TMTC1: variants seen among roughly 807,000 people sequenced by gnomAD.
TMTC1 encodes transmembrane O-mannosyltransferase targeting cadherins 1.
TMTC1 carries 73 observed loss-of-function variants against 104.8 expected under a neutral mutation model. The observed-to-expected ratio is 0.70, with a 90% CI of 0.58 to 0.85. TMTC1 has a LOEUF of 0.85. TMTC1 is among the 40% of genes least tolerant of loss of function. The pLI is 0.00. For missense variants in TMTC1, 1,035 were observed against 1,096.1 expected, an observed-to-expected ratio of 0.94 and a Z score of 0.79; for synonymous variants, 434 against 428.7, an observed-to-expected ratio of 1.01 and a Z score of -0.15.
At chr12:29,584,640 G>A (rs891674680) in intron 7 of TMTC1, among the ~76,000 whole-genome samples, 1 of 151,622 alleles carries the variant, frequency 6.6e-6, no homozygotes, top group African/African-American at 2.4e-5. Flanking sequence ...CCCTTCCTGT[G>A]TCCATGTTGT....
chr12:29,763,140 G>C (rs1295247053), intron 2 of TMTC1, among the ~76,000 whole-genome samples: 1 of 152,236 alleles, frequency 6.6e-6, no homozygotes, highest in Non-Finnish European at 1.5e-5. Context: ...CCTGCAGCCT[G>C]GCTTCTTGCA....
intron 5 of TMTC1, among the ~76,000 whole-genome samples, chr12:29,687,401 G>C (rs1226746779): frequency 6.6e-6 from 1 of 152,182 alleles, no homozygotes; most frequent in Non-Finnish European, 1.5e-5. Flanking sequence ...AGAATTGCTG[G>C]CTCTGTGCTC....
rs1431587740 is a variant in TMTC1 at position 29,633,134 on chromosome 12, T to G, written c.1128+13A>C. 3.7e-6 allele frequency: 6 copies of G among 1,603,292 alleles called. No homozygotes were observed. Among genetic ancestry groups the G allele is most frequent in the Admixed American group, 3.4e-5 (2 of 59,606 alleles). ...TTCAAATGCAGAGTTCATTCTACTT[T>G]TGAGAAAATTACCTTAAAGGCTGCT... On this transcript the variant is annotated intron_variant, in intron 6 of 17. Coordinates refer to ENST00000539277, the MANE Select transcript of TMTC1 (RefSeq NM_001193451.2).
intron 5 of TMTC1, among the ~76,000 whole-genome samples, chr12:29,700,213 T>C (rs1941546180): frequency 6.6e-6 from 1 of 150,976 alleles, no homozygotes. Context: ...CATGTCTGGC[T>C]AATTTTTGTT....
intron 10 of TMTC1, among the ~76,000 whole-genome samples, chr12:29,549,428 T>C (rs1565663212): frequency 2.0e-5 from 3 of 152,096 alleles, no homozygotes; most frequent in South Asian, 2.1e-4. Context: ...TCTGGGGTGA[T>C]GGAAATTGTC....
intron 5 of TMTC1, among the ~76,000 whole-genome samples, chr12:29,733,877 TC>T (rs1185248098): frequency 6.6e-6 from 1 of 152,214 alleles, no homozygotes; most frequent in Non-Finnish European, 1.5e-5. Flanking sequence ...TTGCTAAGCT[TC>T]CCATGTCTTT....
chr12:29,664,162 G>C lies in TMTC1; in HGVS notation c.939-30826C>G, dbSNP rs1395787216. ...AGATCCCGCCACTGCACTCCAGCCTGGGCGACAGAGCGAGACTCCGTCTCA... is the reference window on the plus strand; with the variant it reads ...AGATCCCGCCACTGCACTCCAGCCTCGGCGACAGAGCGAGACTCCGTCTCA... On this transcript the variant is annotated intron_variant, in intron 5 of 17. Coordinates refer to ENST00000539277, the MANE Select transcript of TMTC1 (RefSeq NM_001193451.2). 2.0e-5 allele frequency among the ~76,000 whole-genome samples: 3 copies of C among 150,314 alleles called. No individual in the cohort carries two copies. The East Asian group carries it at 5.9e-4, about 30-fold the overall frequency.
chr12:29,597,370 T>C (rs1448153763), intron 7 of TMTC1, among the ~76,000 whole-genome samples: 1 of 151,722 alleles, frequency 6.6e-6, no homozygotes, highest in African/African-American at 2.4e-5. Flanking sequence ...CCACCATGCC[T>C]GGCCAGTCCA....
At chr12:29,517,320 G>T in intron 14 of TMTC1, 107 bp downstream of exon 14, 1 of 1,211,944 alleles carries the variant, frequency 8.3e-7, no homozygotes, top group African/African-American at 1.5e-5. Context: ...TCATACAGTG[G>T]ATATATTACG....
intron 5 of TMTC1, among the ~76,000 whole-genome samples, chr12:29,687,420 T>C (rs10771570): frequency 0.26 from 38,896 of 152,126 alleles, 5,609 homozygotes; most frequent in African/African-American, 0.36. Context: ...TCATAAAAAG[T>C]CTCAATGCCA....
chr12:29,574,524 T>C (rs1945768595), intron 8 of TMTC1, among the ~76,000 whole-genome samples: 1 of 152,152 alleles, frequency 6.6e-6, no homozygotes. Flanking sequence ...ACAACAGACA[T>C]TTATTGACAT....
intron 5 of TMTC1, among the ~76,000 whole-genome samples, chr12:29,690,639 C>T (rs566516662): frequency 6.6e-6 from 1 of 152,312 alleles, no homozygotes; most frequent in African/African-American, 2.4e-5. Context: ...ACTTGATCTT[C>T]ACAGCTCATA....
chr12:29,506,539 C>T lies in TMTC1; in HGVS notation c.*307G>A. On this transcript the variant is annotated 3_prime_UTR_variant, in exon 18 of 18. Coordinates refer to ENST00000539277, the MANE Select transcript of TMTC1 (RefSeq NM_001193451.2). ...TCTAAACAGAATTAGATCTCCAGGT[C>T]TCAAAAGCACAGAGATATATCAAGA... 3.7e-6 allele frequency: 1 copy of T among 267,426 alleles called. No individual in the cohort carries two copies. The highest frequency in any genetic ancestry group is 7.3e-5 in the South Asian group (1 of 13,730). The allele number at this position is 267,426 out of a possible 1,614,324, so 16.6% of individuals were successfully genotyped here. A position where few individuals can be genotyped will look rare whatever the true frequency, so the allele number is the denominator to read the frequency against.
intron 6 of TMTC1, among the ~76,000 whole-genome samples, chr12:29,625,213 C>T (rs564956118): frequency 1.2e-4 from 19 of 152,188 alleles, no homozygotes; most frequent in Admixed American, 7.9e-4. Flanking sequence ...AGCATGACCT[C>T]TATGTTCATA....
At chr12:29,540,528 G>A (rs1449913269) in intron 10 of TMTC1, among the ~76,000 whole-genome samples, 2 of 152,136 alleles carry the variant, frequency 1.3e-5, no homozygotes, top group African/African-American at 4.8e-5. Context: ...GCATTTCTGT[G>A]TTCACTCGCT....
intron 5 of TMTC1, among the ~76,000 whole-genome samples, chr12:29,704,411 T>C (rs758519442): frequency 3.9e-5 from 6 of 152,208 alleles, no homozygotes; most frequent in Admixed American, 1.3e-4. Context: ...TGGAAAGGAA[T>C]GCATCTTGGG....
intron 7 of TMTC1, among the ~76,000 whole-genome samples, chr12:29,593,946 T>C (rs1264366060): frequency 6.6e-6 from 1 of 152,202 alleles, no homozygotes; most frequent in Non-Finnish European, 1.5e-5. Context: ...GAAACTGACA[T>C]GGAAACAAAG....
Position 29,516,490 on chromosome 12 carries a change from C to T in TMTC1, c.2170-4G>A. 6.2e-7 allele frequency: 1 copy of T among 1,612,690 alleles called. No homozygotes were observed. The highest frequency in any genetic ancestry group is 1.1e-5 in the South Asian group (1 of 90,942). On this transcript the variant is annotated splice_polypyrimidine_tract_variant and splice_region_variant and intron_variant, in intron 14 of 17. Transcript: ENST00000539277. The stretch of plus-strand genomic sequence containing the variant: ...CCATCACGGCCAAAACCTGAGCCTA[C>T]AAAACCACATGGACCTTGGCTTAGC...
At chr12:29,604,373 TC>T (rs1946642962) in intron 6 of TMTC1, 74 bp from the exon 7 acceptor site, 1 of 1,589,050 alleles carries the variant, frequency 6.3e-7, no homozygotes, top group Admixed American at 1.7e-5. Context: ...ACCATCTCCT[TC>T]ACTTTCAGGT....
Sources: gnomAD v4.1 joint callset for allele counts (sites outside exome capture counted in the v4.1 genomes callset) on GRCh38, gnomAD v4.1.1 for gene constraint, MANE v1.5 for transcripts, NCBI Gene and HGNC (gene_info 2026-07-23, HGNC 2026-07-21) for gene names.